Variants in BAZ1B observed in about 807,000 individuals in gnomAD.
The protein encoded by BAZ1B is tyrosine-protein kinase BAZ1B.
Under a neutral mutation model 153.8 loss-of-function variants are expected in BAZ1B, and 22 were observed. The observed-to-expected ratio is 0.14, with a 90% CI of 0.10 to 0.20. The LOEUF (loss-of-function observed/expected upper bound fraction) is 0.20. Ranked by LOEUF, BAZ1B falls within the 10% of genes least tolerant of loss-of-function variation. The pLI is 1.00. For synonymous variants in BAZ1B, 676 were observed against 633.4 expected, an observed-to-expected ratio of 1.07 and a Z score of -1.01; for missense variants, 1,325 against 1,799.3, an observed-to-expected ratio of 0.74 and a Z score of 4.77.
intron 1 of BAZ1B, among the ~76,000 whole-genome samples, chr7:73,521,593 G>A (rs1477178756): frequency 6.6e-6 from 1 of 151,888 alleles, no homozygotes; most frequent in Admixed American, 6.6e-5. Context: ...GCGGGGCCCC[G>A]GGGGCGGCCG....
chr7:73,484,815 C>T (rs1160108279), intron 6 of BAZ1B, among the ~76,000 whole-genome samples: 8 of 151,984 alleles, frequency 5.3e-5, no homozygotes, highest in Non-Finnish European at 8.8e-5. Context: ...ACAAAATAAC[C>T]GGGTTCTATT....
intron 8 of BAZ1B, among the ~76,000 whole-genome samples, chr7:73,469,984 G>A (rs1235273355): frequency 2.6e-5 from 4 of 152,126 alleles, no homozygotes; most frequent in Admixed American, 2.0e-4. Flanking sequence ...TAGGATTACA[G>A]GTGTGAACCA....
intron 10 of BAZ1B, 28 bp from the exon 11 acceptor site, chr7:73,465,565 T>G (rs782651385): frequency 7.3e-7 from 1 of 1,373,550 alleles, no homozygotes; most frequent in South Asian, 1.3e-5. Context: ...ACCTGATAAC[T>G]CTGAAAAAAA....
intron 11 of BAZ1B, among the ~76,000 whole-genome samples, chr7:73,464,618 C>T (rs570948433): frequency 8.5e-5 from 13 of 152,284 alleles, no homozygotes; most frequent in African/African-American, 2.4e-5. Context: ...ACTTCTTTTG[C>T]TTAGCATGTT....
chr7:73,509,406 G>T (rs1182996786), intron 2 of BAZ1B, among the ~76,000 whole-genome samples: 1 of 151,990 alleles, frequency 6.6e-6, no homozygotes, highest in Admixed American at 6.6e-5. Flanking sequence ...GCAAATATAC[G>T]TAAAGCACTG....
chr7:73,506,609 T>C (rs1253198730), intron 3 of BAZ1B, among the ~76,000 whole-genome samples: 2 of 151,660 alleles, frequency 1.3e-5, no homozygotes, highest in East Asian at 3.9e-4. Context: ...ATCCCAACTC[T>C]GGGAGGCTGA....
chr7:73,498,777 A>G (rs1554576729), intron 3 of BAZ1B, 79 bp from the exon 4 acceptor site: 1 of 1,215,312 alleles, frequency 8.2e-7, no homozygotes, highest in African/African-American at 1.5e-5. Flanking sequence ...ATCATCCAAT[A>G]TACATGCCTC....
rs139959938 is a variant in BAZ1B at position 73,462,949 on chromosome 7, C to A, written c.3222G>T (p.Val1074=). The A allele has an allele frequency of 6.2e-6, 10 of 1,613,886 alleles. No homozygotes were observed. The African/African-American group carries it at 1.2e-4, about 19-fold the overall frequency. The change falls in exon 12 of 20, where the codon GTG becomes GTT. Residue 1074 remains valine, a synonymous_variant. Transcript: ENST00000339594. The stretch of plus-strand genomic sequence containing the variant: ...GGGCTTCAAATTCTGATGTTTCTTC[C>A]ACATATCCAAGTCCTCCTTTTTGTA... ...TRLQKGGLGY[V]EETSEFEARV... is the part of the protein sequence containing the mutation.
chr7:73,442,256 A>G lies in BAZ1B; in HGVS notation c.4392T>C (p.Asp1464=), dbSNP rs1554565200. 6.2e-7 allele frequency: 1 copy of G among 1,612,574 alleles called. No individual in the cohort carries two copies. Among genetic ancestry groups the G allele is most frequent in the Non-Finnish European group, 8.5e-7 (1 of 1,179,872 alleles). The part of the protein sequence containing the change: ...RKKFPDRLAE[D]EGDSEPEAVG... ...CGGCCTCTGGCTCACTGTCCCCTTC[A>G]TCTTCAGCAAGCCTATCAGGAAACT... The change falls in exon 19 of 20, where the codon GAT becomes GAC. Residue 1464 remains aspartate, a synonymous_variant. Transcript: ENST00000339594.
chr7:73,447,222 G>C (rs782625465), intron 16 of BAZ1B, 42 bp downstream of exon 16: 1 of 1,612,544 alleles, frequency 6.2e-7, no homozygotes, highest in East Asian at 2.2e-5. Context: ...TCCAAGCTTA[G>C]AAGACTGTGA....
At chr7:73,496,820 C>A (rs1366273546) in intron 4 of BAZ1B, among the ~76,000 whole-genome samples, 3 of 151,990 alleles carry the variant, frequency 2.0e-5, no homozygotes, top group African/African-American at 7.3e-5. Context: ...GCTCTGACCT[C>A]TCCTCCTCTC....
chr7:73,460,189 A>AGG (rs1272842077), intron 12 of BAZ1B, among the ~76,000 whole-genome samples: 1 of 133,704 alleles, frequency 7.5e-6, no homozygotes, highest in Non-Finnish European at 1.6e-5. Context: ...ACTCCGTCTC[A>AGG]GGGAAAAAAA....
intron 10 of BAZ1B, among the ~76,000 whole-genome samples, chr7:73,466,015 A>C (rs1554571117): frequency 1.3e-5 from 2 of 152,198 alleles, no homozygotes. Flanking sequence ...TCCCAACCAA[A>C]TTTAAGCTAC....
At chr7:73,459,909 G>T (rs1788334235) in intron 12 of BAZ1B, among the ~76,000 whole-genome samples, 191 bp from the exon 13 acceptor site, 1 of 152,166 alleles carries the variant, frequency 6.6e-6, no homozygotes, top group African/African-American at 2.4e-5. Flanking sequence ...AAAAGTACTT[G>T]ACTGGCCGGG....
chr7:73,457,068 G>C (rs1327636365), intron 13 of BAZ1B, among the ~76,000 whole-genome samples: 5 of 150,516 alleles, frequency 3.3e-5, no homozygotes, highest in African/African-American at 1.2e-4. Flanking sequence ...CCATAGAGTG[G>C]TTCCTCAAAA....
intron 10 of BAZ1B, among the ~76,000 whole-genome samples, chr7:73,465,994 A>C (rs1410608597): frequency 1.3e-5 from 2 of 152,232 alleles, no homozygotes; most frequent in Non-Finnish European, 2.9e-5. Flanking sequence ...GAAAATCTTA[A>C]ATACTTCTAT....
At position 73,521,999 on chromosome 7, in the gene BAZ1B, C is replaced by T. The variant is rs2115654099; in HGVS notation, c.-66G>A. ...CCCCGCGGCGCAGCACTAGGCCCCG[C>T]GGCCCGGAGCGAGCGCCAGGCGCCC... On this transcript the variant is annotated 5_prime_UTR_variant, in exon 1 of 20. Transcript: ENST00000339594. 1 of 1,031,122 alleles carries T rather than the reference C, an allele frequency of 9.7e-7. No individual in the cohort carries two copies. Among genetic ancestry groups the T allele is most frequent in the Non-Finnish European group, 1.2e-6 (1 of 812,444 alleles). The allele number at this position is 1,031,122 out of a possible 1,614,324, so 63.9% of individuals were successfully genotyped here. A position where few individuals can be genotyped will look rare whatever the true frequency, so the allele number is the denominator to read the frequency against.
At chr7:73,518,993 G>A (rs55897748) in intron 1 of BAZ1B, among the ~76,000 whole-genome samples, 7,860 of 148,674 alleles carry the variant, frequency 0.053, 224 homozygotes, top group Non-Finnish European at 0.066. Flanking sequence ...GATAAAGTTA[G>A]TGTTTTCCAA....
intron 1 of BAZ1B, among the ~76,000 whole-genome samples, chr7:73,514,544 A>C (rs1790714872): frequency 6.6e-6 from 1 of 152,032 alleles, no homozygotes; most frequent in African/African-American, 2.4e-5. Flanking sequence ...AAAAAAAAAA[A>C]AAAAAACTGC....
Sources: gnomAD v4.1 joint callset for allele counts (sites outside exome capture counted in the v4.1 genomes callset) on GRCh38, gnomAD v4.1.1 for gene constraint, MANE v1.5 for transcripts, NCBI Gene and HGNC (gene_info 2026-07-23, HGNC 2026-07-21) for gene names.